Variants in GPD2 observed in about 807,000 individuals in gnomAD.
The protein encoded by GPD2 is glycerol-3-phosphate dehydrogenase 2, also known as glycerol-3-phosphate dehydrogenase, mitochondrial.
In GPD2, 54 loss-of-function variants were observed where a neutral mutation model predicts 82.4. The ratio of observed to expected loss-of-function variants is 0.66; its 90% CI spans 0.53 to 0.82. The LOEUF (loss-of-function observed/expected upper bound fraction) is 0.82, where lower values mean the gene tolerates loss of function less well. Among genes scored for constraint, GPD2 ranks in the 40% least tolerant of loss-of-function variants. GPD2 has a pLI of 0.00. For missense variants in GPD2, 748 were observed against 896.2 expected, an observed-to-expected ratio of 0.83 and a Z score of 2.11; for synonymous variants, 288 against 306.1, an observed-to-expected ratio of 0.94 and a Z score of 0.62.
intron 3 of GPD2, among the ~76,000 whole-genome samples, chr2:156,499,800 T>A (rs1684521833): frequency 6.6e-6 from 1 of 151,472 alleles, no homozygotes; most frequent in Admixed American, 6.6e-5. Flanking sequence ...CTTTAGGTTG[T>A]TTTTGGGTGG....
chr2:156,506,736 C>T (rs575287789), intron 3 of GPD2, among the ~76,000 whole-genome samples: 1 of 152,282 alleles, frequency 6.6e-6, no homozygotes, highest in South Asian at 2.1e-4. Flanking sequence ...AGGTCTCCTG[C>T]CTCCAGTCCT....
chr2:156,451,253 C>A (rs1262703902), intron 1 of GPD2, among the ~76,000 whole-genome samples: 2 of 151,764 alleles, frequency 1.3e-5, no homozygotes, highest in East Asian at 3.9e-4. Context: ...GGCAGAGGCG[C>A]CCCTCACCTC....
At chr2:156,426,084 A>C in the GPD2 span, among the ~76,000 whole-genome samples, 888 of 151,622 alleles carry the variant, frequency 5.9e-3, 4 homozygotes, top group Non-Finnish European at 6.3e-3. Context: ...CCACCACGCC[A>C]GGCTAATTTT....
At chr2:156,573,445 C>T (rs1204301522) in intron 13 of GPD2, among the ~76,000 whole-genome samples, 4 of 152,134 alleles carry the variant, frequency 2.6e-5, no homozygotes, top group Non-Finnish European at 4.4e-5. Flanking sequence ...ATGAAACTTA[C>T]TCCTGTGCTT....
chr2:156,568,032 A>G (rs1687454359), intron 9 of GPD2, among the ~76,000 whole-genome samples: 1 of 152,190 alleles, frequency 6.6e-6, no homozygotes, highest in Non-Finnish European at 1.5e-5. Flanking sequence ...TAATGGAATG[A>G]GAAAAGAAAA....
the GPD2 span, among the ~76,000 whole-genome samples, chr2:156,408,711 T>TAAAA: frequency 3.7e-5 from 3 of 82,050 alleles, no homozygotes; most frequent in Non-Finnish European, 5.0e-5. Flanking sequence ...CTGCACCTGG[T>TAAAA]AAAAAAAAAA....
intron 6 of GPD2, among the ~76,000 whole-genome samples, chr2:156,523,094 CATT>C (rs920246688): frequency 6.6e-6 from 1 of 152,170 alleles, no homozygotes; most frequent in Non-Finnish European, 1.5e-5. Context: ...ATGGACACAT[CATT>C]ATCACCCAGA....
the GPD2 span, among the ~76,000 whole-genome samples, chr2:156,405,236 A>G: frequency 1.3e-5 from 2 of 152,150 alleles, no homozygotes; most frequent in East Asian, 3.9e-4. Context: ...GTAGAAAAGT[A>G]AGGAAGAGAA....
intron 12 of GPD2, among the ~76,000 whole-genome samples, chr2:156,570,687 G>T (rs554859451): frequency 1.3e-5 from 2 of 152,142 alleles, no homozygotes; most frequent in Non-Finnish European, 2.9e-5. Flanking sequence ...TTTACTTGTT[G>T]ATTGAATTCA....
chr2:156,540,455 G>A (rs1186197547), intron 6 of GPD2, among the ~76,000 whole-genome samples: 1 of 152,182 alleles, frequency 6.6e-6, no homozygotes, highest in Non-Finnish European at 1.5e-5. Flanking sequence ...GATAGGAGGA[G>A]GGGTTTAGAC....
At chr2:156,572,309 G>T (rs1004299166) in intron 13 of GPD2, among the ~76,000 whole-genome samples, 1 of 151,958 alleles carries the variant, frequency 6.6e-6, no homozygotes, top group African/African-American at 2.4e-5. Flanking sequence ...TTAAATAACT[G>T]AATTCAACCC....
chr2:156,446,417 G>T (rs904858647), intron 1 of GPD2, among the ~76,000 whole-genome samples: 20 of 152,108 alleles, frequency 1.3e-4, no homozygotes, highest in Admixed American at 5.9e-4. Flanking sequence ...ATCTTGAAAT[G>T]AATGCATTAG....
Position 156,557,419 on chromosome 2 carries a change from G to T in GPD2, c.1002G>T (p.Ala334=). Residue 334 remains alanine, a synonymous_variant, in exon 9 of 17, where the codon GCG becomes GCT. Transcript: ENST00000438166. ...AGAGCATGGGACTTCTTGACCCAGC[G>T]ACCAGTGATGGGCGAGTTATTTTCT... The part of the protein sequence containing the change: ...SPESMGLLDP[A]TSDGRVIFFL... 1 of 1,610,264 alleles carries T rather than the reference G, an allele frequency of 6.2e-7. No homozygotes were observed. The highest frequency in any genetic ancestry group is 8.5e-7 in the Non-Finnish European group (1 of 1,176,772).
At chr2:156,413,317 C>T in the GPD2 span, among the ~76,000 whole-genome samples, 3 of 152,060 alleles carry the variant, frequency 2.0e-5, no homozygotes, top group African/African-American at 4.8e-5. Context: ...TGAGGTGGCT[C>T]ATGCCTGCAA....
the GPD2 span, among the ~76,000 whole-genome samples, chr2:156,416,016 G>A: frequency 3.3e-5 from 3 of 91,714 alleles, no homozygotes; most frequent in Admixed American, 1.1e-4. Flanking sequence ...GCGAGACTCC[G>A]TCTCAAAAAA....
At chr2:156,488,171 G>C (rs893243669) in intron 2 of GPD2, among the ~76,000 whole-genome samples, 1 of 152,020 alleles carries the variant, frequency 6.6e-6, no homozygotes, top group Non-Finnish European at 1.5e-5. Flanking sequence ...ATCCCTCACC[G>C]AATATGTTTA....
intron 9 of GPD2, among the ~76,000 whole-genome samples, chr2:156,558,796 T>TTTTTTTTG (rs1687059252): frequency 8.0e-6 from 1 of 124,840 alleles, no homozygotes; most frequent in Non-Finnish European, 1.6e-5. Context: ...TTTTTTTTTT[T>TTTTTTTTG]AAGTAGAGAC....
the GPD2 span, among the ~76,000 whole-genome samples, chr2:156,427,822 G>T: frequency 7.2e-5 from 11 of 152,286 alleles, no homozygotes; most frequent in Non-Finnish European, 1.5e-4. Context: ...GGTCAGCAGG[G>T]CTGCACTCCT....
At chr2:156,455,325 T>C (rs1419501090) in intron 1 of GPD2, among the ~76,000 whole-genome samples, 1 of 152,218 alleles carries the variant, frequency 6.6e-6, no homozygotes, top group Non-Finnish European at 1.5e-5. Context: ...CTAATCCTAC[T>C]AGGAATGTTA....
Sources: gnomAD v4.1 joint callset for allele counts (sites outside exome capture counted in the v4.1 genomes callset) on GRCh38, gnomAD v4.1.1 for gene constraint, MANE v1.5 for transcripts, NCBI Gene and HGNC (gene_info 2026-07-23, HGNC 2026-07-21) for gene names.